CAMKMT: variants seen among roughly 807,000 people sequenced by gnomAD.
The protein encoded by CAMKMT is CaM KMT.
CAMKMT carries 53 observed loss-of-function variants against 48.0 expected under a neutral mutation model. The observed-to-expected ratio is 1.10, with a 90% CI of 0.89 to 1.39. The LOEUF is 1.39. Ranked by LOEUF, CAMKMT falls within the 40% of genes most tolerant of loss-of-function variation. The pLI is 0.00. For missense variants in CAMKMT, 428 were observed against 402.7 expected, an observed-to-expected ratio of 1.06 and a Z score of -0.54; for synonymous variants, 165 against 152.3, an observed-to-expected ratio of 1.08 and a Z score of -0.61.
chr2:44,636,464 A>G lies in CAMKMT; in HGVS notation c.377-67819A>G, dbSNP rs1319357214. Among the ~76,000 whole-genome samples, 2 of 152,208 alleles carry G rather than the reference A, an allele frequency of 1.3e-5. 1 individual carries two copies. The highest frequency in any genetic ancestry group is 2.9e-5 in the Non-Finnish European group (2 of 68,036). ...GCTTCAGCTCAGCAGGTCTCTGTGCAAACACTAAGGCGGTTACCAGTGTAA... is the reference window on the plus strand; with the variant it reads ...GCTTCAGCTCAGCAGGTCTCTGTGCGAACACTAAGGCGGTTACCAGTGTAA... On this transcript the variant is annotated intron_variant, in intron 3 of 10. Transcript: ENST00000378494.
chr2:44,427,937 C>T (rs1488003370), intron 3 of CAMKMT, among the ~76,000 whole-genome samples: 1 of 152,166 alleles, frequency 6.6e-6, no homozygotes, highest in Non-Finnish European at 1.5e-5. Context: ...TGAGGGGGTG[C>T]AGTCTCTGGG....
intron 1 of CAMKMT, chr2:44,369,760 C>T (rs1236918628): frequency 6.6e-6 from 1 of 152,228 alleles, no homozygotes; most frequent in African/African-American, 2.4e-5. Context: ...TGCTCCCTCT[C>T]ACTCTCCATT....
intron 3 of CAMKMT, among the ~76,000 whole-genome samples, chr2:44,429,925 TTA>T (rs1393285539): frequency 1.3e-5 from 2 of 151,950 alleles, no homozygotes; most frequent in African/African-American, 2.4e-5. Flanking sequence ...GTGATAGTGA[TTA>T]TATATATGTG....
intron 3 of CAMKMT, among the ~76,000 whole-genome samples, chr2:44,531,419 A>G (rs1274029260): frequency 6.6e-6 from 1 of 152,114 alleles, no homozygotes; most frequent in Non-Finnish European, 1.5e-5. Context: ...TGTAAAATCC[A>G]GCTGTTTTAA....
rs533380890 is a variant in CAMKMT, at chr2:44,686,611, T to C, written c.377-17672T>C. Among the ~76,000 whole-genome samples, 99 of 152,220 alleles carry C rather than the reference T, an allele frequency of 6.5e-4. 1 individual carries two copies. The highest frequency in any genetic ancestry group is 2.2e-3 in the African/African-American group (93 of 41,526). On this transcript the variant is annotated intron_variant, in intron 3 of 10. Transcript: ENST00000378494. Reference sequence around the variant, plus strand: ...AAAAAGCTTATTTAAAGAAAAAAAATGCAACCATGTATATGGGCTTTGCCA... The same window carrying C: ...AAAAAGCTTATTTAAAGAAAAAAAACGCAACCATGTATATGGGCTTTGCCA...
intron 3 of CAMKMT, among the ~76,000 whole-genome samples, chr2:44,439,379 C>T (rs1666493862): frequency 6.6e-6 from 1 of 152,090 alleles, no homozygotes; most frequent in Non-Finnish European, 1.5e-5. Flanking sequence ...TGTAGTACTT[C>T]CCTTCTTAAA....
At chr2:44,441,587 T>C (rs1399529155) in intron 3 of CAMKMT, among the ~76,000 whole-genome samples, 2 of 152,230 alleles carry the variant, frequency 1.3e-5, no homozygotes, top group African/African-American at 4.8e-5. Context: ...TACTTCTTTT[T>C]TTTTTTAAAC....
intron 7 of CAMKMT, chr2:44,723,591 A>G (rs1042419414): frequency 9.1e-6 from 1 of 110,322 alleles, no homozygotes; most frequent in South Asian, 3.4e-4. Flanking sequence ...TCCATCTCAA[A>G]ATAAATAAAT....
At chr2:44,368,561 A>G (rs1164258639) in intron 1 of CAMKMT, among the ~76,000 whole-genome samples, 2 of 152,192 alleles carry the variant, frequency 1.3e-5, no homozygotes, top group African/African-American at 4.8e-5. Flanking sequence ...AGATCATACT[A>G]AACTATGTAA....
At chr2:44,595,934 T>A (rs1226972269) in intron 3 of CAMKMT, among the ~76,000 whole-genome samples, 2 of 140,168 alleles carry the variant, frequency 1.4e-5, no homozygotes, top group East Asian at 4.2e-4. Context: ...AGCTGAACAA[T>A]GAGAACACAT....
At chr2:44,742,553 G>A (rs1392924487) in intron 7 of CAMKMT, among the ~76,000 whole-genome samples, 1 of 152,188 alleles carries the variant, frequency 6.6e-6, no homozygotes. Flanking sequence ...GAGTGGCTCA[G>A]TAGGAACGAG....
chr2:44,747,959 G>C lies in CAMKMT; in HGVS notation c.698+4263G>C, dbSNP rs139791710. ...ATTTTGATCAGTAACTGAAGTGAGA[G>C]TTAAAATGGTATCTCTGTCCCCATC... On this transcript the variant is annotated intron_variant, in intron 8 of 10. Transcript: ENST00000378494. Among the ~76,000 whole-genome samples the C allele has an allele frequency of 7.7e-3, 1,162 of 151,198 alleles. 12 individuals carry two copies. Among genetic ancestry groups the C allele is most frequent in the African/African-American group, 0.026 (1,088 of 41,338 alleles).
At chr2:44,582,211 A>G (rs1196594808) in intron 3 of CAMKMT, among the ~76,000 whole-genome samples, 1 of 152,158 alleles carries the variant, frequency 6.6e-6, no homozygotes, top group East Asian at 1.9e-4. Flanking sequence ...TCTTTAGTCT[A>G]TTTTGACATT....
chr2:44,368,434 A>G (rs1678837327), intron 1 of CAMKMT, among the ~76,000 whole-genome samples: 1 of 152,206 alleles, frequency 6.6e-6, no homozygotes, highest in African/African-American at 2.4e-5. Context: ...TTTACCTAAC[A>G]TGGATTATAT....
chr2:44,731,504 G>A (rs1679078144), intron 7 of CAMKMT, among the ~76,000 whole-genome samples: 1 of 152,100 alleles, frequency 6.6e-6, no homozygotes, highest in Admixed American at 6.5e-5. Context: ...TACAAATTAG[G>A]GTGAACCCAT....
At chr2:44,676,505 T>A (rs981489131) in intron 3 of CAMKMT, 1 of 152,288 alleles carries the variant, frequency 6.6e-6, no homozygotes, top group Non-Finnish European at 1.5e-5. Flanking sequence ...CTCTGAGTCA[T>A]CCTTAAGCCT....
At chr2:44,493,339 A>G (rs1669604461) in intron 3 of CAMKMT, among the ~76,000 whole-genome samples, 1 of 152,144 alleles carries the variant, frequency 6.6e-6, no homozygotes, top group Non-Finnish European at 1.5e-5. Context: ...TATATACTGT[A>G]TATTTGAAAA....
At chr2:44,416,957 A>T (rs1470599294) in intron 3 of CAMKMT, among the ~76,000 whole-genome samples, 1 of 151,200 alleles carries the variant, frequency 6.6e-6, no homozygotes, top group South Asian at 2.1e-4. Context: ...TTTTAGAGAC[A>T]GGGTCTCCCT....
At chr2:44,574,301 G>A (rs988245623) in intron 3 of CAMKMT, among the ~76,000 whole-genome samples, 1 of 152,146 alleles carries the variant, frequency 6.6e-6, no homozygotes, top group Non-Finnish European at 1.5e-5. Context: ...GGTGAGGTAG[G>A]GTAGGTATGT....
Sources: gnomAD v4.1 joint callset for allele counts (sites outside exome capture counted in the v4.1 genomes callset) on GRCh38, gnomAD v4.1.1 for gene constraint, MANE v1.5 for transcripts, NCBI Gene and HGNC (gene_info 2026-07-23, HGNC 2026-07-21) for gene names.